MVB12B: variants seen among roughly 807,000 people sequenced by gnomAD.
The protein encoded by MVB12B is multivesicular body subunit 12B.
A neutral mutation model predicts 41.6 loss-of-function variants in MVB12B; 16 were observed. The ratio of observed to expected loss-of-function variants is 0.38; its 90% CI spans 0.26 to 0.58. The LOEUF (loss-of-function observed/expected upper bound fraction) is 0.58, where lower values mean the gene tolerates loss of function less well. Among genes scored for constraint, MVB12B ranks in the 20% least tolerant of loss-of-function variants. The pLI, the probability that MVB12B is intolerant of heterozygous loss-of-function variation, is 0.62. For synonymous variants in MVB12B, 133 were observed against 139.7 expected (o/e 0.95, Z 0.34); for missense variants, 274 against 380.2 (o/e 0.72, Z 2.32).
At chr9:126,475,227 ACT>A (rs1833398143) in intron 7 of MVB12B, among the ~76,000 whole-genome samples, 1 of 152,130 alleles carries the variant, frequency 6.6e-6, no homozygotes, top group Non-Finnish European at 1.5e-5. Flanking sequence ...TGGTTTGTAG[ACT>A]GCCCACCTCG....
intron 7 of MVB12B, among the ~76,000 whole-genome samples, chr9:126,426,273 G>A (rs1832173262): frequency 6.6e-6 from 1 of 152,214 alleles, no homozygotes; most frequent in South Asian, 2.1e-4. Flanking sequence ...CTTTCTAGCT[G>A]TAAACAAAAT....
At chr9:126,463,021 T>C (rs1833120657) in intron 7 of MVB12B, among the ~76,000 whole-genome samples, 2 of 152,176 alleles carry the variant, frequency 1.3e-5, no homozygotes. Context: ...TCAAAGCGCA[T>C]GTCAGTTCGG....
chr9:126,437,851 T>A (rs1307412708), intron 7 of MVB12B, among the ~76,000 whole-genome samples: 1 of 152,238 alleles, frequency 6.6e-6, no homozygotes, highest in Non-Finnish European at 1.5e-5. Context: ...ACCATTTTTT[T>A]TGTGATGGAG....
chr9:126,414,177 C>T (rs762923675), intron 6 of MVB12B, among the ~76,000 whole-genome samples: 1 of 152,150 alleles, frequency 6.6e-6, no homozygotes, highest in African/African-American at 2.4e-5. Context: ...AACTGAAGGG[C>T]TTTTATATGG....
At chr9:126,398,939 T>A (rs1244969423) in intron 6 of MVB12B, among the ~76,000 whole-genome samples, 1 of 152,250 alleles carries the variant, frequency 6.6e-6, no homozygotes, top group African/African-American at 2.4e-5. Context: ...CAAAGGTGGA[T>A]CTTTGCACCG....
At chr9:126,445,349 C>T (rs1419692660) in intron 7 of MVB12B, among the ~76,000 whole-genome samples, 1 of 152,186 alleles carries the variant, frequency 6.6e-6, no homozygotes, top group African/African-American at 2.4e-5. Flanking sequence ...CTCTGTCACC[C>T]AGGCTGGAGT....
chr9:126,432,034 G>T (rs528005138), intron 7 of MVB12B, among the ~76,000 whole-genome samples: 1 of 152,126 alleles, frequency 6.6e-6, no homozygotes, highest in South Asian at 2.1e-4. Flanking sequence ...CCCAGGCCTC[G>T]CAGTGGCCAG....
chr9:126,344,047 T>TAAA (rs80127150), intron 2 of MVB12B, among the ~76,000 whole-genome samples: 14,455 of 128,570 alleles, frequency 0.11, 846 homozygotes, highest in African/African-American at 0.15. Context: ...CTTTTCTTGG[T>TAAA]AAAAAAAAAA....
intron 7 of MVB12B, among the ~76,000 whole-genome samples, chr9:126,452,609 TCA>T (rs1832906175): frequency 6.6e-6 from 1 of 152,204 alleles, no homozygotes; most frequent in Non-Finnish European, 1.5e-5. Context: ...CTCTCTGTTC[TCA>T]GTTAGTAAGT....
At chr9:126,368,292 A>G (rs1428921421) in intron 2 of MVB12B, among the ~76,000 whole-genome samples, 1 of 152,218 alleles carries the variant, frequency 6.6e-6, no homozygotes, top group Non-Finnish European at 1.5e-5. Context: ...ACATCTGTCT[A>G]GTATCAAGGC....
chr9:126,380,877 G>T (rs768672988), intron 2 of MVB12B, among the ~76,000 whole-genome samples, 187 bp from the exon 3 acceptor site: 5 of 152,190 alleles, frequency 3.3e-5, no homozygotes, highest in Non-Finnish European at 7.3e-5. Flanking sequence ...AGTATTTTTA[G>T]AAGTTGTGTT....
intron 3 of MVB12B, among the ~76,000 whole-genome samples, chr9:126,384,349 G>A (rs533430424): frequency 5.9e-5 from 9 of 152,136 alleles, no homozygotes; most frequent in Non-Finnish European, 1.2e-4. Context: ...TGGCAGTGCC[G>A]TAAAAACACT....
intron 2 of MVB12B, among the ~76,000 whole-genome samples, chr9:126,380,634 C>T (rs1830607697): frequency 6.6e-6 from 1 of 152,176 alleles, no homozygotes; most frequent in Non-Finnish European, 1.5e-5. Flanking sequence ...GGTCCTGGGG[C>T]CCTAGAGCAG....
chr9:126,465,364 C>G (rs931234770), intron 7 of MVB12B, among the ~76,000 whole-genome samples: 19 of 152,120 alleles, frequency 1.2e-4, no homozygotes, highest in African/African-American at 4.6e-4. Flanking sequence ...AGAGCCCACC[C>G]CTCAGACCAA....
chr9:126,494,868 AC>A (rs61435398), intron 9 of MVB12B, among the ~76,000 whole-genome samples: 148 of 127,566 alleles, frequency 1.2e-3, no homozygotes, highest in East Asian at 3.4e-3. Context: ...GGAGCACCCC[AC>A]CCCCCCCCAG....
chr9:126,414,748 C>T (rs761635072), intron 6 of MVB12B, among the ~76,000 whole-genome samples: 3 of 152,114 alleles, frequency 2.0e-5, no homozygotes, highest in Non-Finnish European at 2.9e-5. Flanking sequence ...CAACTTCGGG[C>T]CCACTAAAAT....
intron 6 of MVB12B, chr9:126,397,265 C>T (rs2119013220): frequency 2.0e-6 from 2 of 985,452 alleles, no homozygotes; most frequent in Non-Finnish European, 1.2e-6. Context: ...AAAGAAAGAA[C>T]ACCAGTTCTC....
intron 7 of MVB12B, among the ~76,000 whole-genome samples, chr9:126,477,197 A>G (rs1833440419): frequency 6.6e-6 from 1 of 152,138 alleles, no homozygotes; most frequent in African/African-American, 2.4e-5. Context: ...GGGAGGTGCC[A>G]TGCACTTAAC....
At chr9:126,414,982 G>A (rs1339567110) in intron 6 of MVB12B, among the ~76,000 whole-genome samples, 3 of 152,048 alleles carry the variant, frequency 2.0e-5, no homozygotes, top group South Asian at 2.1e-4. Flanking sequence ...CACTCGCCTC[G>A]GCCTTCCAAA....
Sources: gnomAD v4.1 joint callset for allele counts (sites outside exome capture counted in the v4.1 genomes callset) on GRCh38, gnomAD v4.1.1 for gene constraint, MANE v1.5 for transcripts, NCBI Gene and HGNC (gene_info 2026-07-23, HGNC 2026-07-21) for gene names.